RANBP2: variants seen among roughly 807,000 people sequenced by gnomAD.
The protein encoded by RANBP2 is E3 SUMO-protein ligase RanBP2.
A neutral mutation model predicts 303.6 loss-of-function variants in RANBP2; 57 were observed. The observed-to-expected ratio is 0.19, with a 90% confidence interval of 0.15 to 0.23. The LOEUF (loss-of-function observed/expected upper bound fraction) is 0.23, where lower values mean the gene tolerates loss of function less well. Among genes scored for constraint, RANBP2 ranks in the 10% least tolerant of loss-of-function variants. The pLI, the probability that RANBP2 is intolerant of heterozygous loss-of-function variation, is 1.00. For synonymous variants in RANBP2, 1,167 were observed against 1,301.5 expected (o/e 0.90, Z 2.23); for missense variants, 3,138 against 3,780.8 (o/e 0.83, Z 4.46).
chr2:109,065,663 T>G, the RANBP2 span, among the ~76,000 whole-genome samples: 4 of 152,230 alleles, frequency 2.6e-5, no homozygotes, highest in African/African-American at 4.8e-5. Flanking sequence ...CTCTGACACC[T>G]GAGAGCTCCA....
intron 23 of RANBP2, among the ~76,000 whole-genome samples, 193 bp from the exon 24 acceptor site, chr2:108,775,539 G>A (rs529443910): frequency 2.0e-5 from 3 of 152,222 alleles, no homozygotes; most frequent in Admixed American, 2.0e-4. Context: ...ACCTTTCTAA[G>A]GCTTCTTAGA....
the RANBP2 span, among the ~76,000 whole-genome samples, chr2:109,006,878 G>A: frequency 2.8e-3 from 427 of 152,300 alleles, 1 homozygote; most frequent in African/African-American, 0.01. Context: ...ACAAACATGA[G>A]GAAGACGGGT....
the RANBP2 span, among the ~76,000 whole-genome samples, chr2:109,634,967 G>A: frequency 3.3e-5 from 5 of 152,110 alleles, no homozygotes; most frequent in African/African-American, 1.2e-4. Flanking sequence ...TTCACAAATA[G>A]GCTGTGGCAA....
the RANBP2 span, among the ~76,000 whole-genome samples, chr2:109,255,083 G>A: frequency 2.0e-5 from 3 of 152,260 alleles, no homozygotes; most frequent in Admixed American, 6.5e-5. Flanking sequence ...ACACAAGGTG[G>A]TACCCGTGTC....
the RANBP2 span, chr2:109,437,014 A>G: frequency 6.2e-7 from 1 of 1,613,828 alleles, no homozygotes; most frequent in Non-Finnish European, 8.5e-7. Flanking sequence ...GGCCACTGCC[A>G]CCAGGCCCGC....
the RANBP2 span, among the ~76,000 whole-genome samples, chr2:109,210,896 AC>A: frequency 6.6e-6 from 1 of 151,438 alleles, no homozygotes; most frequent in African/African-American, 2.4e-5. Context: ...GGAAAACACA[AC>A]CCCACTTGAC....
the RANBP2 span, chr2:108,897,142 A>G: frequency 3.1e-6 from 5 of 1,613,818 alleles, no homozygotes; most frequent in Admixed American, 8.3e-5. Flanking sequence ...CCACGTTTTC[A>G]CAACAGCCTT....
chr2:109,679,905 A>G, the RANBP2 span, among the ~76,000 whole-genome samples: 42 of 152,336 alleles, frequency 2.8e-4, 1 homozygote, highest in East Asian at 9.6e-4. Context: ...TTTGACCCTG[A>G]GACAAGAGGC....
chr2:109,442,608 G>C, the RANBP2 span, among the ~76,000 whole-genome samples: 1 of 152,062 alleles, frequency 6.6e-6, no homozygotes, highest in Non-Finnish European at 1.5e-5. Context: ...TGGAAGTTTG[G>C]TATACTACTG....
chr2:109,446,371 A>G, the RANBP2 span, among the ~76,000 whole-genome samples: 2 of 152,188 alleles, frequency 1.3e-5, no homozygotes, highest in Non-Finnish European at 2.9e-5. Context: ...TTAAGCAGCC[A>G]TGTCCCCACC....
the RANBP2 span, among the ~76,000 whole-genome samples, chr2:108,919,124 C>T: frequency 6.3e-3 from 962 of 152,240 alleles, 8 homozygotes; most frequent in Non-Finnish European, 6.8e-3. Flanking sequence ...AACTGAGCGC[C>T]GGTGTCTGGG....
chr2:109,462,334 A>G, the RANBP2 span, among the ~76,000 whole-genome samples: 2 of 152,008 alleles, frequency 1.3e-5, no homozygotes, highest in African/African-American at 4.8e-5. Flanking sequence ...CAAAAAAAGC[A>G]TTTGCCGAAT....
the RANBP2 span, among the ~76,000 whole-genome samples, chr2:109,442,007 G>A: frequency 4.6e-5 from 7 of 150,540 alleles, no homozygotes; most frequent in African/African-American, 7.5e-5. Context: ...AAAAGATTTT[G>A]TCTCTAATAA....
chr2:109,557,170 TA>T, the RANBP2 span, among the ~76,000 whole-genome samples: 32 of 151,300 alleles, frequency 2.1e-4, no homozygotes, highest in African/African-American at 6.1e-4. Context: ...TAAAGTATAA[TA>T]AAAAAAAATT....
the RANBP2 span, among the ~76,000 whole-genome samples, chr2:109,554,209 G>A: frequency 6.6e-6 from 1 of 152,154 alleles, no homozygotes; most frequent in East Asian, 1.9e-4. Context: ...GTGAAATCAG[G>A]GAATAGATGT....
the RANBP2 span, among the ~76,000 whole-genome samples, chr2:109,015,409 C>T: frequency 9.9e-5 from 15 of 152,244 alleles, no homozygotes; most frequent in East Asian, 2.7e-3. Context: ...TATATTTTCT[C>T]TCCCTTATGC....
chr2:109,493,871 C>T, the RANBP2 span, among the ~76,000 whole-genome samples: 1 of 152,134 alleles, frequency 6.6e-6, no homozygotes, highest in African/African-American at 2.4e-5. Context: ...TTCAGACACA[C>T]AACACACACC....
At chr2:109,702,031 AG>A in the RANBP2 span, among the ~76,000 whole-genome samples, 7 of 152,348 alleles carry the variant, frequency 4.6e-5, no homozygotes, top group East Asian at 1.4e-3. Context: ...TCCCCAGAAG[AG>A]TGGTCTTCTG....
the RANBP2 span, among the ~76,000 whole-genome samples, chr2:109,379,571 C>T: frequency 3.2e-3 from 494 of 152,334 alleles, 3 homozygotes; most frequent in African/African-American, 0.011. Context: ...GGATGTCTGC[C>T]AGGGAACGCT....
Sources: allele counts gnomAD v4.1 joint callset (sites outside exome capture counted in the v4.1 genomes callset), GRCh38; gene constraint gnomAD v4.1.1; transcripts MANE v1.5; gene names NCBI Gene and HGNC (gene_info 2026-07-23, HGNC 2026-07-21).